The following ARID4B variants were observed in gnomAD, a reference collection of about 807,000 sequenced individuals.
ARID4B encodes the protein AT-rich interactive domain-containing protein 4B.
A neutral mutation model predicts 147.5 loss-of-function variants in ARID4B; 26 were observed. The ratio of observed to expected loss-of-function variants is 0.18; its 90% CI spans 0.13 to 0.24. The LOEUF (loss-of-function observed/expected upper bound fraction) is 0.24, where lower values mean the gene tolerates loss of function less well. Ranked by LOEUF, ARID4B falls within the 10% of genes least tolerant of loss-of-function variation. The pLI, the probability that ARID4B is intolerant of heterozygous loss-of-function variation, is 1.00. For missense variants in ARID4B, 1,179 were observed against 1,511.5 expected (o/e 0.78, Z 3.65); for synonymous variants, 512 against 507.9 (o/e 1.01, Z -0.11).
chr1:235,277,705 T>C (rs1036895204), intron 2 of ARID4B, among the ~76,000 whole-genome samples: 4 of 151,718 alleles, frequency 2.6e-5, no homozygotes, highest in African/African-American at 4.8e-5. Flanking sequence ...AGGATTTTAA[T>C]GGTGGCACTA....
chr1:235,224,139 C>G (rs1667678606), intron 12 of ARID4B, among the ~76,000 whole-genome samples: 1 of 152,158 alleles, frequency 6.6e-6, no homozygotes, highest in Admixed American at 6.5e-5. Flanking sequence ...AAACACTAAT[C>G]ATTCATTTTG....
intron 2 of ARID4B, among the ~76,000 whole-genome samples, chr1:235,300,720 A>G (rs1439403342): frequency 6.7e-6 from 1 of 150,072 alleles, no homozygotes; most frequent in Admixed American, 6.6e-5. Context: ...TTTTTTTTTT[A>G]TTTTTTGTGA....
chr1:235,264,740 TTTC>T (rs1469000720), intron 2 of ARID4B, among the ~76,000 whole-genome samples: 2 of 152,324 alleles, frequency 1.3e-5, no homozygotes, highest in East Asian at 1.9e-4. Context: ...CCCTTCCTTA[TTTC>T]TTCTTAATAT....
intron 22 of ARID4B, among the ~76,000 whole-genome samples, chr1:235,174,103 A>G (rs9793257): frequency 0.48 from 72,388 of 150,470 alleles, 17,780 homozygotes; most frequent in South Asian, 0.61. Flanking sequence ...GCAGTGGCGC[A>G]ACCTCGGCTC....
intron 2 of ARID4B, among the ~76,000 whole-genome samples, chr1:235,268,993 A>G (rs187480345): frequency 6.6e-6 from 1 of 152,306 alleles, no homozygotes; most frequent in Non-Finnish European, 1.5e-5. Context: ...GGAAAGTTTG[A>G]GCATTAAAAT....
chr1:235,304,399 T>C (rs201430144), intron 2 of ARID4B, among the ~76,000 whole-genome samples: 3 of 126,436 alleles, frequency 2.4e-5, no homozygotes, highest in African/African-American at 7.6e-5. Context: ...AAAAATACCA[T>C]CTGAGCACAT....
At chr1:235,305,597 C>T (rs1028982635) in intron 2 of ARID4B, among the ~76,000 whole-genome samples, 6 of 152,128 alleles carry the variant, frequency 3.9e-5, no homozygotes, top group African/African-American at 1.2e-4. Flanking sequence ...TAATCTCTCT[C>T]GGCCTTGAGT....
intron 17 of ARID4B, among the ~76,000 whole-genome samples, chr1:235,209,568 GT>G (rs565800900): frequency 0.15 from 21,405 of 144,858 alleles, 1,895 homozygotes; most frequent in African/African-American, 0.24. Flanking sequence ...TTTTTGTTTT[GT>G]TTTTTTTTTT....
At position 235,182,672 on chromosome 1, in the gene ARID4B, AAT is replaced by A; in HGVS notation, c.2245_2246del (p.Ile749PhefsTer45). ...ATGAACTGTTCTGTTCCTCCTTTGAAATAAGATCATTTCTGTTGTTGGTCAAA... is the reference window on the plus strand; with the variant it reads ...ATGAACTGTTCTGTTCCTCCTTTGAAAAGATCATTTCTGTTGTTGGTCAAA... ...DHLTNNRNDL[I>X]SKEEQNSSSL... On this transcript the variant is annotated frameshift_variant, in exon 20 of 24. Coordinates refer to ENST00000264183, the MANE Select transcript of ARID4B (RefSeq NM_016374.6). LOFTEE classifies it high-confidence loss of function. 1 of 1,613,860 alleles carries A rather than the reference AAT, an allele frequency of 6.2e-7. No homozygotes were observed. Among genetic ancestry groups the A allele is most frequent in the Non-Finnish European group, 8.5e-7 (1 of 1,180,024 alleles).
At chr1:235,229,820 A>G (rs992779352) in intron 10 of ARID4B, among the ~76,000 whole-genome samples, 15 of 152,244 alleles carry the variant, frequency 9.9e-5, no homozygotes, top group African/African-American at 3.4e-4. Context: ...TGATTTTTAC[A>G]TTTTCAGTTG....
Position 235,224,647 on chromosome 1 carries a change from G to C in ARID4B, c.970+56C>G, listed in dbSNP as rs181294540. 9.8e-5 allele frequency: 115 copies of C among 1,173,768 alleles called. No individual in the cohort carries two copies. In the African/African-American group the frequency reaches 1.6e-3, roughly 16 times the overall value. The allele number at this position is 1,173,768 out of a possible 1,614,324, so 72.7% of individuals were successfully genotyped here. On this transcript the variant is annotated intron_variant, in intron 12 of 23. Transcript: ENST00000264183. ...AACAAAATTCTATTCTTATTTTTAAGATACTAATTATCTGTCCAAAACTTA... is the reference window on the plus strand; with the variant it reads ...AACAAAATTCTATTCTTATTTTTAACATACTAATTATCTGTCCAAAACTTA...
rs751047520 is a variant in ARID4B at position 235,255,724 on chromosome 1, A to G, written c.210T>C (p.Asn70=). 6.2e-7 allele frequency: 1 copy of G among 1,612,114 alleles called. No homozygotes were observed. The highest frequency in any genetic ancestry group is 2.2e-5 in the East Asian group (1 of 44,708). ...CAGCTTCCTGATATGCACCATCAAG[A>G]TTCTTCACTTCCACAATAGCTCCTA... is the stretch of plus-strand genomic sequence containing the variant. ...LKVGAIVEVK[N]LDGAYQEAVI... Residue 70 remains asparagine (N), a synonymous_variant, in exon 5 of 24, where the codon AAT becomes AAC. Transcript: ENST00000264183.
intron 19 of ARID4B, among the ~76,000 whole-genome samples, chr1:235,192,076 C>T (rs1665149964): frequency 6.6e-6 from 1 of 151,512 alleles, no homozygotes; most frequent in Non-Finnish European, 1.5e-5. Context: ...GCCTCAAAAA[C>T]AAAAACAAAA....
At chr1:235,284,986 C>T (rs1349361317) in intron 2 of ARID4B, among the ~76,000 whole-genome samples, 2 of 152,098 alleles carry the variant, frequency 1.3e-5, no homozygotes, top group Non-Finnish European at 2.9e-5. Context: ...TCACTGCAAC[C>T]TCCAACTCCT....
At chr1:235,299,041 CCCAGGAGTT>C in intron 2 of ARID4B, among the ~76,000 whole-genome samples, 1 of 152,102 alleles carries the variant, frequency 6.6e-6, no homozygotes, top group Non-Finnish European at 1.5e-5. Context: ...ATGGCTTGAA[CCCAGGAGTT>C]CCAAGCCAGC....
intron 2 of ARID4B, among the ~76,000 whole-genome samples, chr1:235,271,847 G>T (rs1201780399): frequency 2.6e-5 from 4 of 151,442 alleles, no homozygotes; most frequent in African/African-American, 9.7e-5. Context: ...CTACTCACGG[G>T]TTGAGTCACG....
intron 7 of ARID4B, among the ~76,000 whole-genome samples, chr1:235,244,419 G>T (rs1669174007): frequency 6.6e-6 from 1 of 151,898 alleles, no homozygotes; most frequent in Admixed American, 6.6e-5. Context: ...CAAACAATGG[G>T]TAAGTTATAA....
chr1:235,259,951 C>T (rs2103115234), intron 3 of ARID4B, among the ~76,000 whole-genome samples: 1 of 152,284 alleles, frequency 6.6e-6, no homozygotes, highest in Admixed American at 6.5e-5. Context: ...ATCCTCCTTC[C>T]CACCTAAAAG....
At chr1:235,255,361 A>G (rs1406532127) in intron 5 of ARID4B, among the ~76,000 whole-genome samples, 1 of 151,616 alleles carries the variant, frequency 6.6e-6, no homozygotes, top group Admixed American at 6.6e-5. Flanking sequence ...TTACTGAACT[A>G]TAAACTTAAA....
Sources: allele counts gnomAD v4.1 joint callset (sites outside exome capture counted in the v4.1 genomes callset), GRCh38; gene constraint gnomAD v4.1.1; transcripts MANE v1.5; gene names NCBI Gene and HGNC (gene_info 2026-07-23, HGNC 2026-07-21).